Variants in GALNT7 observed in about 807,000 individuals in gnomAD.
GALNT7 encodes N-acetylgalactosaminyltransferase 7.
GALNT7 carries 60 observed loss-of-function variants against 82.1 expected under a neutral mutation model. That is an observed-to-expected ratio of 0.73 (90% CI 0.59 to 0.91). GALNT7 has a LOEUF of 0.91. Ranked by LOEUF, GALNT7 falls within the 40% of genes least tolerant of loss-of-function variation. GALNT7 has a pLI of 0.00. For missense variants in GALNT7, 660 were observed against 804.2 expected (o/e 0.82, Z 2.17); for synonymous variants, 243 against 275.1 (o/e 0.88, Z 1.15).
intron 1 of GALNT7, among the ~76,000 whole-genome samples, chr4:173,239,147 ATGATTTATCCAAATC>A (rs1734329672): frequency 6.6e-6 from 1 of 152,232 alleles, no homozygotes; most frequent in Non-Finnish European, 1.5e-5. Flanking sequence ...AAGTGCCAAC[ATGATTTATCCAAATC>A]TGAGGAAGAG....
At chr4:173,179,620 A>G (rs1177882774) in intron 1 of GALNT7, among the ~76,000 whole-genome samples, 1 of 152,260 alleles carries the variant, frequency 6.6e-6, no homozygotes, top group Non-Finnish European at 1.5e-5. Flanking sequence ...AAGTAAAACA[A>G]TAGTTTCAAT....
chr4:173,185,675 T>A (rs1732441426), intron 1 of GALNT7, among the ~76,000 whole-genome samples: 1 of 152,194 alleles, frequency 6.6e-6, no homozygotes, highest in Non-Finnish European at 1.5e-5. Context: ...TGTAACAAGT[T>A]ACCAGGAAGT....
chr4:173,252,738 A>G (rs1485746416), intron 2 of GALNT7, among the ~76,000 whole-genome samples: 1 of 152,184 alleles, frequency 6.6e-6, no homozygotes, highest in Non-Finnish European at 1.5e-5. Context: ...ACAGATATTG[A>G]GTATCTCTAA....
intron 8 of GALNT7, among the ~76,000 whole-genome samples, chr4:173,311,913 A>G (rs1260910391): frequency 6.6e-6 from 1 of 152,222 alleles, no homozygotes; most frequent in African/African-American, 2.4e-5. Context: ...TGCCTAGAAA[A>G]CATTTAATCT....
intron 1 of GALNT7, among the ~76,000 whole-genome samples, chr4:173,224,164 CCTT>C (rs1425704057): frequency 1.3e-5 from 2 of 152,150 alleles, no homozygotes; most frequent in Non-Finnish European, 2.9e-5. Flanking sequence ...GATTAGCTGG[CCTT>C]CTTCTGTAAA....
At position 173,197,083 on chromosome 4, in the gene GALNT7, T is replaced by TG. The variant is rs3028086; in HGVS notation, c.126+28123dup. Among the ~76,000 whole-genome samples the TG allele has an allele frequency of 2.0e-5, 3 of 147,134 alleles. No homozygotes were observed. In the South Asian group the frequency reaches 6.5e-4, roughly 32 times the overall value. Reference sequence around the variant, plus strand: ...TCTCCCTTTTTTTTTTTTTTTTTTTTGACAGGTAAACAGAAGTAACTATCA... The same window carrying TG: ...TCTCCCTTTTTTTTTTTTTTTTTTTTGGACAGGTAAACAGAAGTAACTATCA... On this transcript the variant is annotated intron_variant, in intron 1 of 11. Transcript: ENST00000265000.
At chr4:173,297,675 T>G in intron 5 of GALNT7, 1 of 472,920 alleles carries the variant, frequency 2.1e-6, no homozygotes, top group Non-Finnish European at 3.6e-6. Flanking sequence ...CTATTTCCCA[T>G]TAGATATTAA....
chr4:173,259,427 G>A (rs1052274092), intron 2 of GALNT7, among the ~76,000 whole-genome samples: 23 of 149,216 alleles, frequency 1.5e-4, no homozygotes, highest in African/African-American at 4.4e-4. Context: ...CCCTCCTCCC[G>A]CTTTTTTTTT....
At chr4:173,213,469 A>G (rs1448786139) in intron 1 of GALNT7, among the ~76,000 whole-genome samples, 1 of 152,142 alleles carries the variant, frequency 6.6e-6, no homozygotes, top group African/African-American at 2.4e-5. Context: ...TTCTAAGTCA[A>G]TGTTTGTAGA....
intron 1 of GALNT7, among the ~76,000 whole-genome samples, chr4:173,181,989 A>G (rs894146931): frequency 1.3e-5 from 2 of 152,232 alleles, no homozygotes; most frequent in Admixed American, 6.5e-5. Flanking sequence ...TCACAGTGGT[A>G]AAATCATGTT....
intron 1 of GALNT7, among the ~76,000 whole-genome samples, chr4:173,208,330 G>C (rs1352778090): frequency 6.6e-6 from 1 of 152,024 alleles, no homozygotes; most frequent in Non-Finnish European, 1.5e-5. Context: ...CTTCTTGATA[G>C]AAAAGATGTG....
intron 2 of GALNT7, among the ~76,000 whole-genome samples, chr4:173,283,515 C>A (rs1400978240): frequency 6.6e-6 from 1 of 151,950 alleles, no homozygotes; most frequent in Non-Finnish European, 1.5e-5. Context: ...TGGCAGGCAC[C>A]CATAATCCCG....
chr4:173,275,955 A>G (rs1297189530), intron 2 of GALNT7, among the ~76,000 whole-genome samples: 1 of 152,168 alleles, frequency 6.6e-6, no homozygotes, highest in African/African-American at 2.4e-5. Context: ...CCTTCCAACT[A>G]TGGCACCATA....
intron 1 of GALNT7, among the ~76,000 whole-genome samples, chr4:173,204,466 G>C (rs1411765461): frequency 6.6e-6 from 1 of 152,078 alleles, no homozygotes; most frequent in Non-Finnish European, 1.5e-5. Context: ...AATATTTGCT[G>C]TTTTGATGCT....
intron 2 of GALNT7, among the ~76,000 whole-genome samples, chr4:173,278,761 T>G (rs1404381852): frequency 1.3e-5 from 2 of 152,124 alleles, no homozygotes; most frequent in Non-Finnish European, 2.9e-5. Context: ...AGACTAAGAG[T>G]TGTAGCGTTG....
At chr4:173,251,700 C>T (rs568345720) in intron 2 of GALNT7, among the ~76,000 whole-genome samples, 4 of 152,258 alleles carry the variant, frequency 2.6e-5, no homozygotes, top group South Asian at 2.1e-4. Context: ...AGTTCTGTCC[C>T]GTGTTCTTTC....
At chr4:173,270,554 A>G (rs746054743) in intron 2 of GALNT7, among the ~76,000 whole-genome samples, 7 of 152,188 alleles carry the variant, frequency 4.6e-5, no homozygotes, top group African/African-American at 7.2e-5. Flanking sequence ...GCCTATCTCA[A>G]TTGCTTCAGA....
chr4:173,297,905 G>A (rs940044655), intron 5 of GALNT7: 1 of 1,503,274 alleles, frequency 6.7e-7, no homozygotes, highest in East Asian at 2.5e-5. Context: ...TGGGACTGGA[G>A]TTTACTATGG....
intron 2 of GALNT7, among the ~76,000 whole-genome samples, chr4:173,268,459 A>G (rs1244554480): frequency 1.3e-5 from 2 of 151,088 alleles, no homozygotes; most frequent in East Asian, 2.0e-4. Flanking sequence ...AAAATTACCA[A>G]CTAAAAGCAC....
Sources: gnomAD v4.1 joint callset for allele counts (sites outside exome capture counted in the v4.1 genomes callset) on GRCh38, gnomAD v4.1.1 for gene constraint, MANE v1.5 for transcripts, NCBI Gene and HGNC (gene_info 2026-07-23, HGNC 2026-07-21) for gene names.